The following LIPA variants were observed in gnomAD, a reference collection of about 807,000 sequenced individuals.
LIPA encodes the protein lipase A, lysosomal acid type.
A neutral mutation model predicts 40.6 loss-of-function variants in LIPA; 26 were observed. The observed-to-expected ratio is 0.64, with a 90% confidence interval of 0.47 to 0.89. LIPA has a LOEUF of 0.89. Ranked by LOEUF, LIPA falls within the 40% of genes least tolerant of loss-of-function variation. The pLI is 0.00. For missense variants in LIPA, 455 were observed against 479.6 expected (o/e 0.95, Z 0.48); for synonymous variants, 188 against 168.4 (o/e 1.12, Z -0.90).
chr10:89,376,032 C>T (rs1844118433), intron 2 of LIPA, among the ~76,000 whole-genome samples: 1 of 151,502 alleles, frequency 6.6e-6, no homozygotes, highest in South Asian at 2.1e-4. Flanking sequence ...ACTAAAAATA[C>T]AAAAAAATAG....
At chr10:89,248,536 G>C (rs371834363) in intron 1 of LIPA, among the ~76,000 whole-genome samples, 1 of 142,168 alleles carries the variant, frequency 7.0e-6, no homozygotes, top group Non-Finnish European at 1.5e-5. Context: ...GTGCAGTGGC[G>C]CAATCTTGGC....
intron 2 of LIPA, among the ~76,000 whole-genome samples, chr10:89,355,984 A>C (rs539780123): frequency 6.6e-6 from 1 of 152,338 alleles, no homozygotes; most frequent in Non-Finnish European, 1.5e-5. Flanking sequence ...AAATAACTTT[A>C]AGTATACACA....
upstream of LIPA, among the ~76,000 whole-genome samples, chr10:89,344,011 C>T (rs2133581596): frequency 6.6e-6 from 1 of 152,316 alleles, no homozygotes; most frequent in South Asian, 2.1e-4. Context: ...ACCTCCACCA[C>T]TTAGTATCTC....
At chr10:89,400,708 C>A (rs189616762) in intron 2 of LIPA, among the ~76,000 whole-genome samples, 1 of 152,272 alleles carries the variant, frequency 6.6e-6, no homozygotes, top group Non-Finnish European at 1.5e-5. Context: ...CATTTGTGAA[C>A]AGAGATAATC....
chr10:89,308,719 C>T (rs1843499103), intron 1 of LIPA: 1 of 152,158 alleles, frequency 6.6e-6, no homozygotes, highest in East Asian at 1.9e-4. Flanking sequence ...TATATATCAA[C>T]ATTATTTTAT....
At chr10:89,260,863 G>A (rs1313478410) in intron 1 of LIPA, among the ~76,000 whole-genome samples, 3 of 152,210 alleles carry the variant, frequency 2.0e-5, no homozygotes, top group Non-Finnish European at 2.9e-5. Context: ...TGAAGATGGA[G>A]TTCAGATATC....
chr10:89,250,134 C>T (rs1235656224), intron 1 of LIPA, among the ~76,000 whole-genome samples: 1 of 68,718 alleles, frequency 1.5e-5, no homozygotes, highest in Non-Finnish European at 2.8e-5. Flanking sequence ...CAGTCTTGCT[C>T]TGTCCCCCAG....
chr10:89,366,020 G>A (rs1056588508), intron 2 of LIPA, among the ~76,000 whole-genome samples: 6 of 152,162 alleles, frequency 3.9e-5, no homozygotes, highest in Non-Finnish European at 7.3e-5. Context: ...GGATGGCATT[G>A]AATCTATAAA....
At position 89,247,532 on chromosome 10, in the gene LIPA, A is replaced by G. The variant is rs1261368733; in HGVS notation, c.111+6T>C. 1.9e-6 allele frequency: 3 copies of G among 1,570,814 alleles called. No homozygotes were observed. The highest frequency in any genetic ancestry group is 2.6e-6 in the Non-Finnish European group (3 of 1,140,664). On this transcript the variant is annotated splice_donor_region_variant and intron_variant, in intron 2 of 9. Coordinates refer to ENST00000336233, the MANE Select transcript of LIPA (RefSeq NM_000235.4). ...TTTTAAAAGTACATAACTTTGAGAA[A>G]CTTACCACATTCATGTTTGTTTCAG...
Position 89,391,040 on chromosome 10 carries a change from A to G in LIPA, c.61+21751T>C, listed in dbSNP as rs115643995. 9.9e-3 allele frequency among the ~76,000 whole-genome samples: 1,505 copies of G among 152,312 alleles called. 24 individuals carry two copies. The highest frequency in any genetic ancestry group is 0.034 in the African/African-American group (1,424 of 41,564). ...TCTGTGGAAGCTTACAGAATTGGTG[A>G]GAGCTGACATGGGAGATGAGTCTGG... On this transcript the variant is annotated intron_variant, in intron 2 of 8. Coordinates refer to the LIPA transcript ENST00000371837.
chr10:89,368,834 A>T (rs1385736395), intron 2 of LIPA, among the ~76,000 whole-genome samples: 1 of 152,052 alleles, frequency 6.6e-6, no homozygotes, highest in Non-Finnish European at 1.5e-5. Flanking sequence ...GTAGACAGAG[A>T]AAGACATACC....
At chr10:89,330,408 A>G (rs1045260582) in intron 1 of LIPA, among the ~76,000 whole-genome samples, 1 of 152,244 alleles carries the variant, frequency 6.6e-6, no homozygotes, top group African/African-American at 2.4e-5. Context: ...TCTATGCCCA[A>G]TGGCCAAAAG....
intron 8 of LIPA, among the ~76,000 whole-genome samples, chr10:89,218,603 G>A (rs562207007): frequency 5.3e-5 from 8 of 152,202 alleles, no homozygotes; most frequent in Non-Finnish European, 1.2e-4. Flanking sequence ...TATCTCCTTC[G>A]CACAAAGTCA....
At chr10:89,255,030 C>T (rs1843173879), upstream of LIPA, among the ~76,000 whole-genome samples, 1 of 152,170 alleles carries the variant, frequency 6.6e-6, no homozygotes, top group African/African-American at 2.4e-5. Flanking sequence ...CCAAACTTTC[C>T]CACGTCTTCC....
In LIPA at chr10:89,215,889, C is replaced by T. The variant is rs576681333; in HGVS notation, c.966+49G>A. The T allele has an allele frequency of 1.8e-5, 22 of 1,224,850 alleles. No individual in the cohort carries two copies. The South Asian group carries it at 2.4e-4, about 13-fold the overall frequency. 75.9% of individuals were successfully genotyped at this position (1,224,850 alleles called of 1,614,324 possible). On this transcript the variant is annotated intron_variant, in intron 9 of 9. Transcript: ENST00000336233. ...AATCCTGATAGGCCAGGCTGGCTTT[C>T]TTGATGAGTTTTCAGGGCCCCCTTT...
intron 2 of LIPA, chr10:89,384,591 T>C (rs1175113158): frequency 6.2e-7 from 1 of 1,614,054 alleles, no homozygotes; most frequent in Non-Finnish European, 8.5e-7. Context: ...AGAAATTGGC[T>C]AAAAGATGTA....
chr10:89,262,432 T>G (rs889981180), intron 1 of LIPA, among the ~76,000 whole-genome samples: 2 of 152,222 alleles, frequency 1.3e-5, no homozygotes, highest in Non-Finnish European at 1.5e-5. Flanking sequence ...TGTCTCTCTG[T>G]ACCTACAGCC....
At position 89,375,789 on chromosome 10, in the gene LIPA, G is replaced by A. The variant is rs937129280; in HGVS notation, c.61+37002C>T. On this transcript the variant is annotated intron_variant, in intron 2 of 8. Transcript: ENST00000371837. ...TTTTCTGCCTACTTTTATTATTAGA[G>A]TATACTCAAGGAATAAAATGGGGAT... is the stretch of plus-strand genomic sequence containing the variant. Among the ~76,000 whole-genome samples the A allele has an allele frequency of 2.0e-5, 3 of 152,236 alleles. No individual in the cohort carries two copies. In the East Asian group the frequency reaches 5.8e-4, roughly 29 times the overall value.
intron 3 of LIPA, among the ~76,000 whole-genome samples, chr10:89,242,537 G>A (rs1179073543): frequency 6.6e-6 from 1 of 152,188 alleles, no homozygotes; most frequent in African/African-American, 2.4e-5. Flanking sequence ...AAGCCATGTG[G>A]CCAAGCCCTG....
Sources: gnomAD v4.1 joint callset for allele counts (sites outside exome capture counted in the v4.1 genomes callset) on GRCh38, gnomAD v4.1.1 for gene constraint, MANE v1.5 for transcripts, NCBI Gene and HGNC (gene_info 2026-07-23, HGNC 2026-07-21) for gene names.